PPP2R1B: variants seen among roughly 807,000 people sequenced by gnomAD.
The protein encoded by PPP2R1B is protein phosphatase 2 scaffold subunit Abeta, also known as serine/threonine-protein phosphatase 2A 65 kDa regulatory subunit A beta isoform.
In PPP2R1B, 58 loss-of-function variants were observed where a neutral mutation model predicts 72.7. The observed-to-expected ratio is 0.80, with a 90% CI of 0.65 to 0.99. The LOEUF (loss-of-function observed/expected upper bound fraction) is 0.99. Ranked by LOEUF, PPP2R1B falls within the 50% of genes least tolerant of loss-of-function variation. The pLI is 0.00. For synonymous variants in PPP2R1B, 256 were observed against 264.6 expected, an observed-to-expected ratio of 0.97 and a Z score of 0.32; for missense variants, 695 against 733.6, an observed-to-expected ratio of 0.95 and a Z score of 0.61.
At chr11:111,688,105 C>T in the PPP2R1B span, 2 of 1,614,022 alleles carry the variant, frequency 1.2e-6, no homozygotes, top group Admixed American at 1.7e-5. The surrounding 1 kb of genome is among the most constrained non-coding windows in gnomAD (Gnocchi z 4.2). Context: ...GATTGTGCAC[C>T]GTGACCTCAA....
At position 111,745,197 on chromosome 11, in the gene PPP2R1B, G is replaced by A. The variant is rs113960549; in HGVS notation, c.1400-1667C>T. Reference sequence around the variant, plus strand: ...CTCCTGAGTAGCTGGGATTACAGGCGCCCGCCAACACATCCAGCTAATTTT... The same window carrying A: ...CTCCTGAGTAGCTGGGATTACAGGCACCCGCCAACACATCCAGCTAATTTT... On this transcript the variant is annotated intron_variant, in intron 11 of 14. Transcript: ENST00000527614. Among the ~76,000 whole-genome samples the A allele has an allele frequency of 6.6e-3, 1,000 of 151,560 alleles. 4 individuals carry two copies. The highest frequency in any genetic ancestry group is 0.011 in the Non-Finnish European group (764 of 67,838).
intron 15 of PPP2R1B, chr11:111,729,561 ACTGGCTTCTGGTTTTGGTTCT>A (rs1166918775): frequency 1.3e-5 from 2 of 152,252 alleles, no homozygotes; most frequent in African/African-American, 4.8e-5. Flanking sequence ...GCTTGGGTTG[ACTGGCTTCTGGTTTTGGTTCT>A]CTGGCTTCTA....
chr11:111,736,105 A>C (rs1354393479), downstream of PPP2R1B, among the ~76,000 whole-genome samples: 1 of 152,152 alleles, frequency 6.6e-6, no homozygotes, highest in East Asian at 1.9e-4. Flanking sequence ...GGGTTGGAGG[A>C]GATTCATGAG....
chr11:111,723,584 C>G (rs1565398749), downstream of PPP2R1B: 3 of 1,614,228 alleles, frequency 1.9e-6, no homozygotes, highest in Non-Finnish European at 2.5e-6. Context: ...CTCCTACCCA[C>G]AGCCAAGTCA....
At chr11:111,722,822 G>A (rs1448798458), downstream of PPP2R1B, 4 of 1,471,138 alleles carry the variant, frequency 2.7e-6, no homozygotes, top group East Asian at 6.8e-5. The surrounding 1 kb of genome is among the most constrained non-coding windows in gnomAD (Gnocchi z 4.4). Flanking sequence ...CACTGAATGT[G>A]TTGTCCTTTT....
chr11:111,705,889 A>G, the PPP2R1B span, among the ~76,000 whole-genome samples: 1 of 152,340 alleles, frequency 6.6e-6, no homozygotes, highest in South Asian at 2.1e-4. The surrounding 1 kb of genome is among the most constrained non-coding windows in gnomAD (Gnocchi z 4.3). Flanking sequence ...TACAGTAGAG[A>G]TGAGAAATAC....
chr11:111,722,594 A>G, downstream of PPP2R1B: 1 of 1,406,550 alleles, frequency 7.1e-7, no homozygotes. This position sits in a 1 kb window ranked among gnomAD's most constrained non-coding sequence, Gnocchi z 4.4. Context: ...CTGCAGGCAG[A>G]AGCACATCTG....
At chr11:111,744,831 C>T (rs1944649434) in intron 11 of PPP2R1B, among the ~76,000 whole-genome samples, 1 of 152,046 alleles carries the variant, frequency 6.6e-6, no homozygotes, top group African/African-American at 2.4e-5. Context: ...GACAAGTGAC[C>T]CATACAACTG....
At chr11:111,688,996 A>G in the PPP2R1B span, among the ~76,000 whole-genome samples, 10 of 152,224 alleles carry the variant, frequency 6.6e-5, no homozygotes, top group African/African-American at 2.4e-4. The surrounding 1 kb of genome is among the most constrained non-coding windows in gnomAD (Gnocchi z 4.2). Flanking sequence ...CTACCTGAAG[A>G]GTCAGGGAAG....
At chr11:111,691,721 A>G in the PPP2R1B span, among the ~76,000 whole-genome samples, 2 of 152,314 alleles carry the variant, frequency 1.3e-5, no homozygotes, top group Non-Finnish European at 2.9e-5. Flanking sequence ...TTTCTTGCCC[A>G]CACTTAATTC....
At chr11:111,729,663 C>T (rs1944116755) in intron 15 of PPP2R1B, 1 of 152,240 alleles carries the variant, frequency 6.6e-6, no homozygotes, top group Non-Finnish European at 1.5e-5. Context: ...AAGCAAACAG[C>T]TGTATAAACA....
At chr11:111,693,523 G>A in the PPP2R1B span, among the ~76,000 whole-genome samples, 1 of 152,156 alleles carries the variant, frequency 6.6e-6, no homozygotes. Flanking sequence ...ACCTGTTTTG[G>A]CCCTGGCTGT....
chr11:111,753,428 T>TG lies in PPP2R1B; in HGVS notation c.1164+14_1164+15insC. The TG allele has an allele frequency of 1.2e-6, 2 of 1,606,670 alleles. No homozygotes were observed. Among genetic ancestry groups the TG allele is most frequent in the Non-Finnish European group, 1.7e-6 (2 of 1,178,216 alleles). On this transcript the variant is annotated intron_variant, in intron 9 of 14. Transcript: ENST00000527614. Reference sequence around the variant, plus strand: ...AATTACTATCAAAGGCAACAGAACATAAAGCAAGACCCACCTCATCCTTTA... The same window carrying TG: ...AATTACTATCAAAGGCAACAGAACATGAAAGCAAGACCCACCTCATCCTTTA...
chr11:111,736,990 A>G (rs1443499143), downstream of PPP2R1B, among the ~76,000 whole-genome samples: 3 of 152,328 alleles, frequency 2.0e-5, no homozygotes, highest in South Asian at 2.1e-4. Flanking sequence ...GTGGCATCCA[A>G]TGGGGCTTGT....
At chr11:111,719,448 A>T in the PPP2R1B span, among the ~76,000 whole-genome samples, 1,171 of 150,980 alleles carry the variant, frequency 7.8e-3, 16 homozygotes, top group Non-Finnish European at 0.012. Context: ...ATTTAAAAAA[A>T]AATAATAACT....
intron 15 of PPP2R1B, among the ~76,000 whole-genome samples, chr11:111,732,781 A>G (rs1392059465): frequency 3.3e-5 from 5 of 152,176 alleles, no homozygotes; most frequent in African/African-American, 1.2e-4. Flanking sequence ...GGTGACAGGG[A>G]GCCTCCTGCT....
chr11:111,739,373 CA>C lies in PPP2R1B; in HGVS notation c.*2222del, dbSNP rs1944444143. On this transcript the variant is annotated 3_prime_UTR_variant, in exon 15 of 15. Coordinates refer to ENST00000527614, the MANE Select transcript of PPP2R1B (RefSeq NM_002716.5). ...AAAAAAAAAAATAGGAGAACTAATT[CA>C]TGGAGAACATGGCCAAGTTATGAGC... 2 of 984,838 alleles carry C rather than the reference CA, an allele frequency of 2.0e-6. No individual in the cohort carries two copies. Among genetic ancestry groups the C allele is most frequent in the African/African-American group, 3.5e-5 (2 of 57,146 alleles). The allele number at this position is 984,838 out of a possible 1,614,324, so 61.0% of individuals were successfully genotyped here.
At chr11:111,720,208 G>T in the PPP2R1B span, among the ~76,000 whole-genome samples, 1 of 152,190 alleles carries the variant, frequency 6.6e-6, no homozygotes, top group Non-Finnish European at 1.5e-5. Context: ...GGCTCCCATA[G>T]TCCCCAGGAT....
chr11:111,714,944 A>G, the PPP2R1B span, among the ~76,000 whole-genome samples: 1 of 152,234 alleles, frequency 6.6e-6, no homozygotes, highest in Non-Finnish European at 1.5e-5. Context: ...AAAGAATTAA[A>G]ATGCAGTTGA....
Sources: gnomAD v4.1 joint callset for allele counts (sites outside exome capture counted in the v4.1 genomes callset) on GRCh38, gnomAD v4.1.1 for gene constraint, Gnocchi (gnomAD v3.1) non-coding constraint, MANE v1.5 for transcripts, NCBI Gene and HGNC (gene_info 2026-07-23, HGNC 2026-07-21) for gene names.